CDH13: variants seen among roughly 807,000 people sequenced by gnomAD.
CDH13 encodes cadherin-13.
Under a neutral mutation model 63.8 loss-of-function variants are expected in CDH13, and 24 were observed. That is an observed-to-expected ratio of 0.38 (90% CI 0.27 to 0.53). CDH13 has a LOEUF of 0.53. CDH13 is among the 20% of genes least tolerant of loss of function. The pLI is 0.85. For missense variants in CDH13, 1,049 were observed against 903.1 expected (o/e 1.16, Z -2.07); for synonymous variants, 503 against 355.3 (o/e 1.42, Z -4.67).
chr16:83,209,823 G>A (rs1220440923), intron 4 of CDH13, among the ~76,000 whole-genome samples: 2 of 152,052 alleles, frequency 1.3e-5, no homozygotes, highest in African/African-American at 4.8e-5. Flanking sequence ...GTGGGCAGGA[G>A]AAAGGGTCAG....
chr16:83,148,948 G>A (rs938558469), intron 4 of CDH13, among the ~76,000 whole-genome samples: 4 of 152,010 alleles, frequency 2.6e-5, no homozygotes, highest in Non-Finnish European at 5.9e-5. Context: ...TTAAATTAAG[G>A]TAATTGAAAA....
intron 2 of CDH13, among the ~76,000 whole-genome samples, chr16:82,998,127 C>T (rs1162305778): frequency 6.6e-6 from 1 of 152,168 alleles, no homozygotes; most frequent in Non-Finnish European, 1.5e-5. Context: ...GGCTTCAAAG[C>T]CATCCACGTT....
At chr16:83,707,319 T>C (rs1392581330) in intron 10 of CDH13, among the ~76,000 whole-genome samples, 1 of 152,198 alleles carries the variant, frequency 6.6e-6, no homozygotes, top group Admixed American at 6.5e-5. Flanking sequence ...AATTCCTCCA[T>C]TCTATTTTAT....
At chr16:83,162,365 T>A (rs2037485001) in intron 4 of CDH13, among the ~76,000 whole-genome samples, 1 of 152,166 alleles carries the variant, frequency 6.6e-6, no homozygotes, top group South Asian at 2.1e-4. Flanking sequence ...TATCATTGAA[T>A]CCTTCCAACA....
intron 1 of CDH13, among the ~76,000 whole-genome samples, chr16:82,750,051 T>G (rs2034344937): frequency 6.6e-6 from 1 of 151,978 alleles, no homozygotes; most frequent in Non-Finnish European, 1.5e-5. Flanking sequence ...AAGTCAACAG[T>G]CCATGGAGGA....
chr16:83,451,356 A>T (rs1274642108), intron 6 of CDH13, among the ~76,000 whole-genome samples: 1 of 152,146 alleles, frequency 6.6e-6, no homozygotes, highest in African/African-American at 2.4e-5. Context: ...ATCAGATCTC[A>T]TGAGACTTAT....
chr16:82,739,237 A>G (rs1244177815), intron 1 of CDH13, among the ~76,000 whole-genome samples: 2 of 152,134 alleles, frequency 1.3e-5, no homozygotes, highest in Non-Finnish European at 2.9e-5. Flanking sequence ...TCAGAGGAAA[A>G]ATCCTTTTCA....
intron 6 of CDH13, among the ~76,000 whole-genome samples, chr16:83,370,964 C>G (rs562839079): frequency 8.4e-4 from 128 of 152,170 alleles, no homozygotes; most frequent in African/African-American, 2.9e-3. Flanking sequence ...TAGAGAAATG[C>G]AAATAAAATC....
chr16:83,052,209 C>T (rs1033089420), intron 3 of CDH13, among the ~76,000 whole-genome samples: 1 of 152,118 alleles, frequency 6.6e-6, no homozygotes, highest in African/African-American at 2.4e-5. Context: ...ATTATCCTTT[C>T]AGAGCACCTA....
At chr16:83,088,142 A>T (rs2033706556) in intron 3 of CDH13, among the ~76,000 whole-genome samples, 1 of 152,166 alleles carries the variant, frequency 6.6e-6, no homozygotes, top group African/African-American at 2.4e-5. Flanking sequence ...TCAGATGTGC[A>T]CTCACCTTTT....
chr16:83,769,773 ATC>A (rs1914638594), intron 11 of CDH13, among the ~76,000 whole-genome samples: 1 of 152,124 alleles, frequency 6.6e-6, no homozygotes, highest in Non-Finnish European at 1.5e-5. Context: ...TGGAGAAGAG[ATC>A]ACTGGGGCAC....
chr16:82,974,090 CTGTT>C (rs989030833), intron 2 of CDH13, among the ~76,000 whole-genome samples: 1 of 152,066 alleles, frequency 6.6e-6, no homozygotes, highest in Non-Finnish European at 1.5e-5. Flanking sequence ...GCCCAGCCAA[CTGTT>C]TTGTTTGTTT....
intron 1 of CDH13, among the ~76,000 whole-genome samples, chr16:82,647,596 A>C (rs573606009): frequency 6.6e-6 from 1 of 151,628 alleles, no homozygotes; most frequent in Non-Finnish European, 1.5e-5. Context: ...CCTGAGGGGC[A>C]TGGGAGCTCC....
intron 10 of CDH13, among the ~76,000 whole-genome samples, chr16:83,747,022 T>G (rs16961626): frequency 0.026 from 3,962 of 152,344 alleles, 89 homozygotes; most frequent in East Asian, 0.11. Flanking sequence ...CATTAACTTT[T>G]AGTTCCCTTA....
chr16:83,149,882 G>C (rs1274176498), intron 4 of CDH13, among the ~76,000 whole-genome samples: 1 of 152,198 alleles, frequency 6.6e-6, no homozygotes, highest in Admixed American at 6.5e-5. Flanking sequence ...AATATTACAA[G>C]TCAGGTCTTT....
At chr16:83,740,299 C>T (rs1291760907) in intron 10 of CDH13, among the ~76,000 whole-genome samples, 1 of 151,906 alleles carries the variant, frequency 6.6e-6, no homozygotes, top group Non-Finnish European at 1.5e-5. Context: ...CGGGGATTCA[C>T]ACTCTGTGAT....
At chr16:83,527,799 C>G (rs1393049712) in intron 7 of CDH13, among the ~76,000 whole-genome samples, 1 of 152,166 alleles carries the variant, frequency 6.6e-6, no homozygotes, top group African/African-American at 2.4e-5. Context: ...GATAATGGCA[C>G]TCACCAAATT....
At chr16:83,691,963 C>G (rs1052644014) in intron 10 of CDH13, among the ~76,000 whole-genome samples, 3 of 152,148 alleles carry the variant, frequency 2.0e-5, no homozygotes, top group African/African-American at 7.2e-5. Context: ...CTGATTACCC[C>G]TTTTATACAG....
At chr16:82,889,436 A>T (rs1303849175) in intron 2 of CDH13, among the ~76,000 whole-genome samples, 2 of 152,210 alleles carry the variant, frequency 1.3e-5, no homozygotes, top group South Asian at 2.1e-4. Flanking sequence ...TTGATGGAAG[A>T]AAAAATACAA....
Sources: allele counts gnomAD v4.1 joint callset (sites outside exome capture counted in the v4.1 genomes callset), GRCh38; gene constraint gnomAD v4.1.1; transcripts MANE v1.5; gene names NCBI Gene and HGNC (gene_info 2026-07-23, HGNC 2026-07-21).